The following ECHS1 variants were observed in gnomAD, a reference collection of about 807,000 sequenced individuals.
The protein encoded by ECHS1 is enoyl-CoA hydratase, mitochondrial.
In ECHS1, 19 loss-of-function variants were observed where a neutral mutation model predicts 33.5. The ratio of observed to expected loss-of-function variants is 0.57; its 90% CI spans 0.40 to 0.83. The LOEUF is 0.83. Ranked by LOEUF, ECHS1 falls within the 40% of genes least tolerant of loss-of-function variation. The probability of loss-of-function intolerance (pLI) is 0.00; values close to 1 mark genes in which losing one functional copy is unlikely to be tolerated. For missense variants in ECHS1, 365 were observed against 381.3 expected, an observed-to-expected ratio of 0.96 and a Z score of 0.36; for synonymous variants, 158 against 146.6, an observed-to-expected ratio of 1.08 and a Z score of -0.56.
At chr10:133,368,611 C>G (rs1849063316) in intron 4 of ECHS1, among the ~76,000 whole-genome samples, 1 of 152,158 alleles carries the variant, frequency 6.6e-6, no homozygotes, top group African/African-American at 2.4e-5. Context: ...CCAGGGTCAC[C>G]ATGTTCCCTC....
chr10:133,370,557 T>G lies in ECHS1; in HGVS notation c.286+3A>C. On this transcript the variant is annotated splice_donor_region_variant and intron_variant, in intron 2 of 7. Coordinates refer to ENST00000368547, the MANE Select transcript of ECHS1 (RefSeq NM_004092.4). ...ACACAAAGGCCTCTGCTGCCGCGCG[T>G]ACCTGCAAAGGCCTTATCCCCGCCG... 1 of 1,561,358 alleles carries G rather than the reference T, an allele frequency of 6.4e-7. No homozygotes were observed. The highest frequency in any genetic ancestry group is 1.2e-5 in the South Asian group (1 of 84,716).
chr10:133,367,033 T>C (rs761183272), intron 4 of ECHS1, 40 bp from the exon 5 acceptor site: 36 of 1,527,332 alleles, frequency 2.4e-5, no homozygotes, highest in Non-Finnish European at 3.2e-5. Flanking sequence ...CTGTGATGAG[T>C]GAACCCAAGA....
intron 1 of ECHS1, 119 bp downstream of exon 1, chr10:133,373,127 T>TGGGGTCAGGTGGGGGATGC: frequency 4.0e-6 from 2 of 503,092 alleles, no homozygotes; most frequent in Non-Finnish European, 5.2e-6. Flanking sequence ...GGGTGTGGGT[T>TGGGGTCAGGTGGGGGATGC]GGGGTCAGGT....
chr10:133,364,636 C>T (rs375187186), intron 7 of ECHS1, 22 bp downstream of exon 7: 107 of 1,589,140 alleles, frequency 6.7e-5, no homozygotes, highest in African/African-American at 3.0e-4. Flanking sequence ...CTTGATTCTC[C>T]GGTTGAACAC....
At chr10:133,365,733 A>G (rs1849018787) in intron 6 of ECHS1, among the ~76,000 whole-genome samples, 1 of 151,848 alleles carries the variant, frequency 6.6e-6, no homozygotes, top group South Asian at 2.1e-4. Flanking sequence ...TACTGCCCTC[A>G]CCTCCCAGGC....
In ECHS1 at chr10:133,370,141, G is replaced by A. The variant is rs968550577; in HGVS notation, c.287-110C>T. The A allele has an allele frequency of 2.7e-6, 4 of 1,471,622 alleles. No individual in the cohort carries two copies. In the African/African-American group the frequency reaches 5.6e-5, roughly 21 times the overall value. The allele number at this position is 1,471,622 out of a possible 1,614,324, so 91.2% of individuals were successfully genotyped here. A position where few individuals can be genotyped will look rare whatever the true frequency, so the allele number is the denominator to read the frequency against. ...AGAGCACACCAGACACAGGCAGTGG[G>A]GTTGCTGGGCACGGCTGACACCAGG... On this transcript the variant is annotated intron_variant, in intron 2 of 7. Transcript: ENST00000368547.
chr10:133,366,934 C>A lies in ECHS1; in HGVS notation c.574G>T (p.Val192Phe), dbSNP rs1481117533. The change falls in exon 5 of 8, where the codon GTC (valine) becomes TTC (phenylalanine). Residue 192 changes from valine (V) to phenylalanine (F), a missense_variant. By Grantham distance (50) the Val-to-Phe change is conservative (BLOSUM62 -1). Transcript: ENST00000368547. ...GCTGAGATCCGGTCACCAGTGAGGACCATCTCCATCGCCAGCGACTTCCCA... is the reference window on the plus strand; with the variant it reads ...GCTGAGATCCGGTCACCAGTGAGGAACATCTCCATCGCCAGCGACTTCCCA... ...AVGKSLAMEM[V>F]LTGDRISAQD... 6.2e-7 allele frequency: 1 copy of A among 1,612,596 alleles called. No individual in the cohort carries two copies. The highest frequency in any genetic ancestry group is 8.5e-7 in the Non-Finnish European group (1 of 1,180,006).
chr10:133,370,473 G>A (rs918932950), intron 2 of ECHS1, 87 bp downstream of exon 2: 84 of 1,353,492 alleles, frequency 6.2e-5, no homozygotes, highest in Middle Eastern at 2.7e-4. Context: ...CCATCACAGA[G>A]GCGCAAATCT....
intron 7 of ECHS1, 40 bp from the exon 8 acceptor site, chr10:133,362,973 T>C (rs758144044): frequency 6.2e-7 from 1 of 1,607,204 alleles, no homozygotes; most frequent in Non-Finnish European, 8.5e-7. Flanking sequence ...GGACGCGCAG[T>C]ATCCTCACAG....
At chr10:133,366,779 G>GCGAGGGGGACACCTAGATGCCGCCCTGT (rs1254543322) in intron 5 of ECHS1, 110 bp downstream of exon 5, 1 of 761,698 alleles carries the variant, frequency 1.3e-6, no homozygotes, top group African/African-American at 2.1e-5. Context: ...ATGCTGCCCC[G>GCGAGGGGGACACCTAGATGCCGCCCTGT]GGTTTCTGTG....
intron 3 of ECHS1, among the ~76,000 whole-genome samples, 188 bp downstream of exon 3, chr10:133,369,716 C>T (rs980820918): frequency 1.3e-5 from 2 of 152,020 alleles, no homozygotes; most frequent in Non-Finnish European, 2.9e-5. Flanking sequence ...TGAACAGCCA[C>T]GAAAAAAGCA....
chr10:133,362,970 CAGTATCCTCACAG>C (rs1848983989), intron 7 of ECHS1, 37 bp from the exon 8 acceptor site: 1 of 1,609,398 alleles, frequency 6.2e-7, no homozygotes, highest in Non-Finnish European at 8.5e-7. Context: ...GCTGGACGCG[CAGTATCCTCACAG>C]AGCCTGATGC....
At chr10:133,365,223 T>C (rs1589880141) in intron 6 of ECHS1, among the ~76,000 whole-genome samples, 1 of 152,318 alleles carries the variant, frequency 6.6e-6, no homozygotes, top group African/African-American at 2.4e-5. Flanking sequence ...CCAGGGCTGG[T>C]GCCAGCATCC....
intron 7 of ECHS1, among the ~76,000 whole-genome samples, chr10:133,363,346 TGC>T (rs746557515): frequency 0.56 from 68,972 of 123,798 alleles, 15,748 homozygotes; most frequent in South Asian, 0.6. Flanking sequence ...TCCCCAGGTG[TGC>T]GCGCGCGCAC....
chr10:133,372,787 G>A (rs1322390225), intron 1 of ECHS1, among the ~76,000 whole-genome samples: 2 of 137,164 alleles, frequency 1.5e-5, no homozygotes, highest in African/African-American at 5.5e-5. Context: ...TCAGGTGGGG[G>A]GTGCAGCACT....
rs1283721695 is a variant in ECHS1, at chr10:133,370,817, G to C, written c.89-60C>G. 12 of 1,541,442 alleles carry C rather than the reference G, an allele frequency of 7.8e-6. No individual in the cohort carries two copies. In the East Asian group the frequency reaches 2.5e-4, roughly 32 times the overall value. The stretch of plus-strand genomic sequence containing the variant: ...CACAGGTATCAAACTGGGGAGAGTG[G>C]GGGAAGGGATGTGGCCCCATCGGTG... On this transcript the variant is annotated intron_variant, in intron 1 of 7. Coordinates refer to ENST00000368547, the MANE Select transcript of ECHS1 (RefSeq NM_004092.4).
In ECHS1 at chr10:133,366,880, A is replaced by C. The variant is rs1343002296; in HGVS notation, c.619+9T>G. On this transcript the variant is annotated intron_variant, in intron 5 of 7. Transcript: ENST00000368547. Reference sequence around the variant, plus strand: ...CCAGGTGGCTCTTGCGGGCAGCCCCAACCCATACCTGCTTGCTTGGCGTCC... The same window carrying C: ...CCAGGTGGCTCTTGCGGGCAGCCCCCACCCATACCTGCTTGCTTGGCGTCC... The C allele has an allele frequency of 6.2e-7, 1 of 1,608,112 alleles. No individual in the cohort carries two copies. Among genetic ancestry groups the C allele is most frequent in the East Asian group, 2.2e-5 (1 of 44,874 alleles).
intron 3 of ECHS1, among the ~76,000 whole-genome samples, chr10:133,369,311 G>A (rs904191944): frequency 9.9e-5 from 15 of 152,150 alleles, no homozygotes; most frequent in African/African-American, 3.6e-4. Flanking sequence ...GAGACTAGGT[G>A]CACAGGTGGG....
At chr10:133,370,098 A>G in intron 2 of ECHS1, 67 bp from the exon 3 acceptor site, 1 of 1,589,470 alleles carries the variant, frequency 6.3e-7, no homozygotes, top group South Asian at 1.1e-5. Context: ...TATATCTCTC[A>G]GACCAACAAG....
Sources: gnomAD v4.1 joint callset for allele counts (sites outside exome capture counted in the v4.1 genomes callset) on GRCh38, gnomAD v4.1.1 for gene constraint, MANE v1.5 for transcripts, NCBI Gene and HGNC (gene_info 2026-07-23, HGNC 2026-07-21) for gene names.